TRIP10: variants seen among roughly 807,000 people sequenced by gnomAD.
TRIP10 encodes the protein cdc42-interacting protein 4.
A neutral mutation model predicts 80.9 loss-of-function variants in TRIP10; 54 were observed. The ratio of observed to expected loss-of-function variants is 0.67; its 90% CI spans 0.54 to 0.84. TRIP10 has a LOEUF of 0.84. Ranked by LOEUF, TRIP10 falls within the 40% of genes least tolerant of loss-of-function variation. The pLI is 0.00. For missense variants in TRIP10, 773 were observed against 815.3 expected (o/e 0.95, Z 0.63); for synonymous variants, 321 against 307.2 (o/e 1.04, Z -0.47).
rs1045890664 is a variant in TRIP10 at position 6,745,310 on chromosome 19, C to T, written c.984+316C>T. The T allele has an allele frequency of 2.1e-5, 8 of 373,198 alleles. No individual in the cohort carries two copies. The highest frequency in any genetic ancestry group is 5.4e-5 in the East Asian group (1 of 18,390). 23.1% of individuals were successfully genotyped at this position (373,198 alleles called of 1,614,324 possible). A position where few individuals can be genotyped will look rare whatever the true frequency, so the allele number is the denominator to read the frequency against. On this transcript the variant is annotated intron_variant, in intron 9 of 14. Transcript: ENST00000313244. This position sits in a 1 kb window ranked among gnomAD's most constrained non-coding sequence, Gnocchi z 7.2. ...GGTGACACCATCCCTGGGGACTCCC[C>T]GAGTTTCTCTCTCCATCCTGCTGAT... is the stretch of plus-strand genomic sequence containing the variant.
Position 6,743,615 on chromosome 19 carries a change from C to CGGTGGGGGGGGGG in TRIP10, c.513+19_513+20insTGGGGGGGGGGGG, listed in dbSNP as rs1968997799. 1 of 707,444 alleles carries CGGTGGGGGGGGGG rather than the reference C, an allele frequency of 1.4e-6. No individual in the cohort carries two copies. Among genetic ancestry groups the CGGTGGGGGGGGGG allele is most frequent in the African/African-American group, 2.8e-5 (1 of 36,320 alleles). The allele number at this position is 707,444 out of a possible 1,614,324, so 43.8% of individuals were successfully genotyped here. A position where few individuals can be genotyped will look rare whatever the true frequency, so the allele number is the denominator to read the frequency against. On this transcript the variant is annotated intron_variant, in intron 6 of 14. Coordinates refer to ENST00000313244, the MANE Select transcript of TRIP10 (RefSeq NM_001288962.2). ...GTGGAGAAGGTGTGTGTGGCGGGGG[C>CGGTGGGGGGGGGG]GGGGGGGGGGTGCGGGGTCTGGGAC... is the stretch of plus-strand genomic sequence containing the variant.
At chr19:6,750,143 G>GGGGGGGGGGC in intron 12 of TRIP10, 77 bp downstream of exon 12, 12 of 842,246 alleles carry the variant, frequency 1.4e-5, no homozygotes, top group Non-Finnish European at 2.1e-5. Flanking sequence ...GGGGGTCGGG[G>GGGGGGGGGGC]ACAGGGGAGG....
chr19:6,746,349 C>G lies in TRIP10; in HGVS notation c.1153-103C>G. ...TTTGCTCTGTGCATGGCTTCGCTGT[C>G]AAGAACCATGGCTGGGGAAGGGAGT... is the stretch of plus-strand genomic sequence containing the variant. On this transcript the variant is annotated intron_variant, in intron 10 of 14. Transcript: ENST00000313244. This position sits in a 1 kb window ranked among gnomAD's most constrained non-coding sequence, Gnocchi z 6.2. 1 of 1,550,564 alleles carries G rather than the reference C, an allele frequency of 6.4e-7. No homozygotes were observed. Among genetic ancestry groups the G allele is most frequent in the Non-Finnish European group, 8.8e-7 (1 of 1,139,966 alleles).
rs1231696505 is a variant in TRIP10 at position 6,750,640 on chromosome 19, A to C, written c.1657+7A>C. The C allele has an allele frequency of 2.5e-6, 4 of 1,613,724 alleles. No individual in the cohort carries two copies. The East Asian group carries it at 8.9e-5, about 36-fold the overall frequency. Reference sequence around the variant, plus strand: ...GCCATCTACCACTTTGAAGGTGAGAACGGCCAGAGTGGGCTTGGCGGGGTA... The same window carrying C: ...GCCATCTACCACTTTGAAGGTGAGACCGGCCAGAGTGGGCTTGGCGGGGTA... On this transcript the variant is annotated splice_region_variant and intron_variant, in intron 14 of 14. Coordinates refer to ENST00000313244, the MANE Select transcript of TRIP10 (RefSeq NM_001288962.2).
At position 6,751,492 on chromosome 19, in the gene TRIP10, A is replaced by C. The variant is rs1477211372; in HGVS notation, c.*281A>C. 1.7e-5 allele frequency: 12 copies of C among 690,862 alleles called. No individual in the cohort carries two copies. The highest frequency in any genetic ancestry group is 5.6e-5 in the African/African-American group (3 of 53,532). 42.8% of individuals were successfully genotyped at this position (690,862 alleles called of 1,614,324 possible). A position where few individuals can be genotyped will look rare whatever the true frequency, so the allele number is the denominator to read the frequency against. Reference sequence around the variant, plus strand: ...GTTTTATACAAAAATGGGAAAAAAAAAAAAGAAATTATATAAAGTTCCTAG... The same window carrying C: ...GTTTTATACAAAAATGGGAAAAAAACAAAAGAAATTATATAAAGTTCCTAG... On this transcript the variant is annotated 3_prime_UTR_variant, in exon 15 of 15. Coordinates refer to ENST00000313244, the MANE Select transcript of TRIP10 (RefSeq NM_001288962.2).
intron 12 of TRIP10, 97 bp downstream of exon 12, chr19:6,750,163 C>T (rs529114312): frequency 1.9e-5 from 29 of 1,564,486 alleles, no homozygotes; most frequent in African/African-American, 5.4e-5. Context: ...GTGTTCGGAG[C>T]GGGGGGTCTC....
At chr19:6,742,880 T>A in intron 3 of TRIP10, 87 bp from the exon 4 acceptor site, 1 of 1,538,026 alleles carries the variant, frequency 6.5e-7, no homozygotes, top group Non-Finnish European at 8.8e-7. Flanking sequence ...GCTTAACCCT[T>A]TTCCACCTGG....
At chr19:6,747,545 C>T (rs1390062437) in intron 11 of TRIP10, among the ~76,000 whole-genome samples, 1 of 152,108 alleles carries the variant, frequency 6.6e-6, no homozygotes, top group Admixed American at 6.5e-5. Context: ...AATAATACAT[C>T]ACTTTGGGAG....
rs115975320 is a variant in TRIP10 at position 6,742,968 on chromosome 19, T to C, written c.199T>C (p.Phe67Leu). The C allele has an allele frequency of 1.4e-4, 229 of 1,613,984 alleles. No homozygotes were observed. In the African/African-American group the frequency reaches 2.9e-3, roughly 21 times the overall value. Residue 67 changes from phenylalanine to leucine, a missense_variant and splice_region_variant, in exon 4 of 15, where the codon TTC (phenylalanine) becomes CTC (leucine). By Grantham distance (22) the Phe-to-Leu change is conservative. Coordinates refer to ENST00000313244, the MANE Select transcript of TRIP10 (RefSeq NM_001288962.2). Reference sequence around the variant, plus strand: ...TCCCCGATTCTCATCCAACCCCAGATTCAGCCAGCAACAGTCCTTCGTACA... The same window carrying C: ...TCCCCGATTCTCATCCAACCCCAGACTCAGCCAGCAACAGTCCTTCGTACA... ...RPAKDDPESK[F>L]SQQQSFVQIL...
chr19:6,745,814 C>T lies in TRIP10; in HGVS notation c.985-215C>T. On this transcript the variant is annotated intron_variant, in intron 9 of 14. Transcript: ENST00000313244. This position sits in a 1 kb window ranked among gnomAD's most constrained non-coding sequence, Gnocchi z 7.2. ...CCACCTTCCAGATTTTTTTGTGTCGCTCCTGCATGCGTTTTCTCTGTGTGG... is the reference window on the plus strand; with the variant it reads ...CCACCTTCCAGATTTTTTTGTGTCGTTCCTGCATGCGTTTTCTCTGTGTGG... 1.0e-6 allele frequency: 1 copy of T among 985,228 alleles called. No individual in the cohort carries two copies. Among genetic ancestry groups the T allele is most frequent in the South Asian group, 4.7e-5 (1 of 21,266 alleles). The allele number at this position is 985,228 out of a possible 1,614,324, so 61.0% of individuals were successfully genotyped here.
Position 6,746,178 on chromosome 19 carries a change from C to A in TRIP10, c.1134C>A (p.Ser378Arg). The A allele has an allele frequency of 1.3e-6, 2 of 1,540,450 alleles. No homozygotes were observed. The change falls in exon 10 of 15, where the codon AGC becomes AGA. Residue 378 changes from serine to arginine, a missense_variant. Coordinates refer to ENST00000313244, the MANE Select transcript of TRIP10 (RefSeq NM_001288962.2). This position sits in a 1 kb window ranked among gnomAD's most constrained non-coding sequence, Gnocchi z 6.2. ...AACCGAGGCTAGCATCCTTCCGCAG[C>A]CTTCGAGGCAGCCGTGGGGTAAGTG... The part of the protein sequence containing the change: ...SVKPRLASFR[S>R]LRGSRGTVVT...
chr19:6,747,793 AAATAATAAT>A (rs10572023), intron 11 of TRIP10, among the ~76,000 whole-genome samples: 2 of 149,202 alleles, frequency 1.3e-5, no homozygotes, highest in African/African-American at 2.5e-5. Context: ...TCTCTACCTC[AAATAATAAT>A]AATAATAATA....
At chr19:6,750,760 C>A in intron 14 of TRIP10, 127 bp downstream of exon 14, 1 of 1,384,824 alleles carries the variant, frequency 7.2e-7, no homozygotes, top group East Asian at 2.4e-5. Flanking sequence ...CTTTGGGAAG[C>A]TGAGGCAGGC....
Position 6,739,708 on chromosome 19 carries a change from C to A in TRIP10, c.-54C>A. ...TCTCCCCGGGGAGGGCGGCGGGCGG[C>A]GGGCGGCGGGGACCGGGTGCGGTGG... On this transcript the variant is annotated 5_prime_UTR_variant, in exon 1 of 15. Coordinates refer to ENST00000313244, the MANE Select transcript of TRIP10 (RefSeq NM_001288962.2). The A allele has an allele frequency of 9.1e-7, 1 of 1,099,844 alleles. No individual in the cohort carries two copies. Among genetic ancestry groups the A allele is most frequent in the Non-Finnish European group, 1.1e-6 (1 of 905,206 alleles). 68.1% of individuals were successfully genotyped at this position (1,099,844 alleles called of 1,614,324 possible).
At position 6,745,903 on chromosome 19, in the gene TRIP10, T is replaced by G; in HGVS notation, c.985-126T>G. 1 of 1,266,926 alleles carries G rather than the reference T, an allele frequency of 7.9e-7. No individual in the cohort carries two copies. Among genetic ancestry groups the G allele is most frequent in the Non-Finnish European group, 1.0e-6 (1 of 1,004,518 alleles). The allele number at this position is 1,266,926 out of a possible 1,614,324, so 78.5% of individuals were successfully genotyped here. A position where few individuals can be genotyped will look rare whatever the true frequency, so the allele number is the denominator to read the frequency against. ...TCTTTCTCCATTTTGTTTTTCCTTTTTCCTTTTTTTGCGTCCATCCGTCCA... is the reference window on the plus strand; with the variant it reads ...TCTTTCTCCATTTTGTTTTTCCTTTGTCCTTTTTTTGCGTCCATCCGTCCA... On this transcript the variant is annotated intron_variant, in intron 9 of 14. Coordinates refer to ENST00000313244, the MANE Select transcript of TRIP10 (RefSeq NM_001288962.2). The surrounding 1 kb of genome is among the most constrained non-coding windows in gnomAD (Gnocchi z 7.2).
chr19:6,741,243 T>G lies in TRIP10; in HGVS notation c.159T>G (p.Tyr53Ter). Reference protein sequence around the residue: ...AKQLRSLVKKYLPKRPAKDDP... With the variant: ...AKQLRSLVKK The stretch of plus-strand genomic sequence containing the variant: ...CCCTTAGGAGCCTGGTGAAAAAATA[T>G]CTGCCCAAGAGACCTGCCAAGGATG... The change falls in exon 3 of 15, where the codon TAT (tyrosine) becomes TAG (stop). Residue 53 changes from tyrosine to a stop codon, truncating the protein, a stop_gained. Coordinates refer to ENST00000313244, the MANE Select transcript of TRIP10 (RefSeq NM_001288962.2). LOFTEE classifies it high-confidence loss of function. The G allele has an allele frequency of 6.2e-7, 1 of 1,611,986 alleles. No individual in the cohort carries two copies. Among genetic ancestry groups the G allele is most frequent in the South Asian group, 1.1e-5 (1 of 90,834 alleles).
At position 6,741,234 on chromosome 19, in the gene TRIP10, GA is replaced by G; in HGVS notation, c.156del (p.Lys52AsnfsTer29). 6.2e-7 allele frequency: 1 copy of G among 1,612,134 alleles called. No individual in the cohort carries two copies. The highest frequency in any genetic ancestry group is 8.5e-7 in the Non-Finnish European group (1 of 1,179,082). On this transcript the variant is annotated frameshift_variant, in exon 3 of 15. Coordinates refer to ENST00000313244, the MANE Select transcript of TRIP10 (RefSeq NM_001288962.2). LOFTEE classifies it high-confidence loss of function. ...AYAKQLRSLV[K>X]KYLPKRPAKD... Reference sequence around the variant, plus strand: ...CTCTGTCTCCCCTTAGGAGCCTGGTGAAAAAATATCTGCCCAAGAGACCTGC... The same window carrying G: ...CTCTGTCTCCCCTTAGGAGCCTGGTGAAAAATATCTGCCCAAGAGACCTGC...
intron 6 of TRIP10, 27 bp downstream of exon 6, chr19:6,743,625 G>GT: frequency 1.0e-5 from 13 of 1,295,410 alleles, no homozygotes; most frequent in Admixed American, 9.4e-5. Context: ...CGGGGGGGGG[G>GT]TGCGGGGTCT....
Position 6,746,442 on chromosome 19 carries a change from C to T in TRIP10, c.1153-10C>T. ...TTGATCCCAAATTCAGCCCTCTACC[C>T]ACCTTGCAGACAGTGGTGACCGAGG... is the stretch of plus-strand genomic sequence containing the variant. On this transcript the variant is annotated splice_polypyrimidine_tract_variant and intron_variant, in intron 10 of 14. Coordinates refer to ENST00000313244, the MANE Select transcript of TRIP10 (RefSeq NM_001288962.2). This position sits in a 1 kb window ranked among gnomAD's most constrained non-coding sequence, Gnocchi z 6.2. The T allele has an allele frequency of 6.2e-7, 1 of 1,614,012 alleles. No individual in the cohort carries two copies. The highest frequency in any genetic ancestry group is 8.5e-7 in the Non-Finnish European group (1 of 1,179,922).
Sources: allele counts gnomAD v4.1 joint callset (sites outside exome capture counted in the v4.1 genomes callset), GRCh38; gene constraint gnomAD v4.1.1; non-coding constraint Gnocchi (gnomAD v3.1); transcripts MANE v1.5; gene names NCBI Gene and HGNC (gene_info 2026-07-23, HGNC 2026-07-21).